Variants in EEPD1 observed in about 807,000 individuals in gnomAD.
EEPD1 encodes the protein endonuclease/exonuclease/phosphatase family domain-containing protein 1.
A neutral mutation model predicts 46.3 loss-of-function variants in EEPD1; 17 were observed. The observed-to-expected ratio is 0.37, with a 90% CI of 0.25 to 0.55. The LOEUF (loss-of-function observed/expected upper bound fraction) is 0.55. Among genes scored for constraint, EEPD1 ranks in the 20% least tolerant of loss-of-function variants. EEPD1 has a pLI of 0.83. For synonymous variants in EEPD1, 313 were observed against 315.6 expected, an observed-to-expected ratio of 0.99 and a Z score of 0.09; for missense variants, 673 against 745.6, an observed-to-expected ratio of 0.90 and a Z score of 1.13.
rs920140346 is a variant in EEPD1 at position 36,210,641 on chromosome 7, C to T, written c.879-28344C>T. Among the ~76,000 whole-genome samples, 14 of 152,202 alleles carry T rather than the reference C, an allele frequency of 9.2e-5. 1 individual carries two copies. The highest frequency in any genetic ancestry group is 6.5e-4 in the Admixed American group (10 of 15,282). On this transcript the variant is annotated intron_variant, in intron 2 of 7. Transcript: ENST00000242108. ...GGCCTTTGACACCTCCTCCCTCACT[C>T]TCTTGCTCTCCCAGCTCCAGCTGTC...
At chr7:36,155,319 C>A in intron 2 of EEPD1, 117 bp downstream of exon 2, 1 of 1,251,758 alleles carries the variant, frequency 8.0e-7, no homozygotes, top group Non-Finnish European at 1.0e-6. Context: ...AGTTTTTAAT[C>A]AATGTTCTTG....
intron 2 of EEPD1, among the ~76,000 whole-genome samples, chr7:36,160,650 C>T (rs1784887265): frequency 7.8e-6 from 1 of 128,166 alleles, no homozygotes; most frequent in South Asian, 2.6e-4. Flanking sequence ...GACCTCTTAC[C>T]AGATAGTCTG....
At chr7:36,275,593 C>T (rs1219851142) in intron 3 of EEPD1, among the ~76,000 whole-genome samples, 3 of 152,010 alleles carry the variant, frequency 2.0e-5, no homozygotes, top group African/African-American at 2.4e-5. Context: ...ATTACAGGCA[C>T]GCGCCACCAC....
chr7:36,182,387 G>A (rs1278328179), intron 2 of EEPD1, among the ~76,000 whole-genome samples: 1 of 152,242 alleles, frequency 6.6e-6, no homozygotes, highest in African/African-American at 2.4e-5. Flanking sequence ...CATGGTGGGG[G>A]CACGGGGAGG....
chr7:36,166,041 TA>T (rs1422340753), intron 2 of EEPD1, among the ~76,000 whole-genome samples: 1 of 152,238 alleles, frequency 6.6e-6, no homozygotes, highest in African/African-American at 2.4e-5. Context: ...AGATGGCTTA[TA>T]AATACCTTTC....
At chr7:36,199,285 G>A (rs1314647718) in intron 2 of EEPD1, among the ~76,000 whole-genome samples, 1 of 152,148 alleles carries the variant, frequency 6.6e-6, no homozygotes, top group African/African-American at 2.4e-5. Flanking sequence ...CAGTTTTCCA[G>A]GGTAGGGACT....
chr7:36,178,813 A>G (rs937190797), intron 2 of EEPD1, among the ~76,000 whole-genome samples: 1 of 152,208 alleles, frequency 6.6e-6, no homozygotes, highest in African/African-American at 2.4e-5. Flanking sequence ...TGTGTCTCTA[A>G]GGTGATGAGT....
intron 2 of EEPD1, among the ~76,000 whole-genome samples, chr7:36,222,391 A>G (rs1400597496): frequency 6.6e-6 from 1 of 152,182 alleles, no homozygotes; most frequent in Non-Finnish European, 1.5e-5. Context: ...GAGGAGGACA[A>G]GGAAGAGGAG....
At chr7:36,159,314 G>A (rs1273346302) in intron 2 of EEPD1, among the ~76,000 whole-genome samples, 1 of 152,170 alleles carries the variant, frequency 6.6e-6, no homozygotes, top group Non-Finnish European at 1.5e-5. Flanking sequence ...CAAAAGGAGT[G>A]ATTGATACAT....
chr7:36,297,713 G>A (rs1430493878), intron 7 of EEPD1, among the ~76,000 whole-genome samples: 1 of 152,182 alleles, frequency 6.6e-6, no homozygotes, highest in Non-Finnish European at 1.5e-5. Flanking sequence ...GAGGTGAACA[G>A]GTGTCTCATA....
intron 2 of EEPD1, among the ~76,000 whole-genome samples, chr7:36,167,788 T>C (rs1005003836): frequency 6.6e-6 from 1 of 152,116 alleles, no homozygotes; most frequent in Admixed American, 6.5e-5. Context: ...CCATCTCAGC[T>C]CAGTGCAACC....
chr7:36,176,466 G>A (rs1031170305), intron 2 of EEPD1, among the ~76,000 whole-genome samples: 8 of 152,190 alleles, frequency 5.3e-5, no homozygotes, highest in African/African-American at 7.2e-5. Flanking sequence ...CCCATGTAAC[G>A]GATGTCGGAA....
At chr7:36,181,171 A>G (rs1401465920) in intron 2 of EEPD1, among the ~76,000 whole-genome samples, 1 of 152,154 alleles carries the variant, frequency 6.6e-6, no homozygotes, top group Non-Finnish European at 1.5e-5. Context: ...GGCGGTTCAC[A>G]GTCTCCTATC....
intron 2 of EEPD1, among the ~76,000 whole-genome samples, chr7:36,192,466 G>A (rs185015380): frequency 6.6e-6 from 1 of 152,142 alleles, no homozygotes; most frequent in African/African-American, 2.4e-5. Context: ...TTCCAGGACA[G>A]TGACACTGTC....
rs1345369897 is a variant in EEPD1, at chr7:36,193,593, G to A, written c.878+38391G>A. 1.3e-5 allele frequency among the ~76,000 whole-genome samples: 2 copies of A among 152,162 alleles called. No individual in the cohort carries two copies. Among genetic ancestry groups the A allele is most frequent in the African/African-American group, 4.8e-5 (2 of 41,438 alleles). ...AGAGGTGCTGGGTCCCCTGTCCTAG[G>A]AGAGTCCTGTGTCTAGAAAAGCTCC... On this transcript the variant is annotated intron_variant, in intron 2 of 7. Coordinates refer to ENST00000242108, the MANE Select transcript of EEPD1 (RefSeq NM_030636.3). This position sits in a 1 kb window ranked among gnomAD's most constrained non-coding sequence, Gnocchi z 4.9.
At chr7:36,253,617 C>G (rs1313105747) in intron 3 of EEPD1, among the ~76,000 whole-genome samples, 1 of 151,878 alleles carries the variant, frequency 6.6e-6, no homozygotes, top group African/African-American at 2.4e-5. Context: ...ATCTTGGGGT[C>G]CTGTTATTAG....
In EEPD1 at chr7:36,205,967, C is replaced by T. The variant is rs1373866223; in HGVS notation, c.879-33018C>T. Among the ~76,000 whole-genome samples the T allele has an allele frequency of 3.3e-5, 5 of 152,212 alleles. No homozygotes were observed. The East Asian group carries it at 7.7e-4, about 24-fold the overall frequency. ...CAATGAGCTCAGGCTGCAGGACAGG[C>T]GGAATTGAGGGCGCTGTGTCTTCCA... On this transcript the variant is annotated intron_variant, in intron 2 of 7. Coordinates refer to ENST00000242108, the MANE Select transcript of EEPD1 (RefSeq NM_030636.3).
Position 36,281,170 on chromosome 7 carries a change from C to T in EEPD1, c.986C>T (p.Pro329Leu), listed in dbSNP as rs754669971. ...TLPNIRKWKG[P>L]RGCWKAVVAE... is the part of the protein sequence containing the mutation. ...CCCAACATCCGCAAGTGGAAGGGGC[C>T]CCGGGGATGCTGGAAGGCTGTTGTT... Residue 329 changes from proline (P) to leucine (L), a missense_variant, in exon 4 of 8, where the codon CCC becomes CTC. Pro to Leu is a moderately conservative substitution (Grantham distance 98). Coordinates refer to ENST00000242108, the MANE Select transcript of EEPD1 (RefSeq NM_030636.3). The T allele has an allele frequency of 3.7e-6, 6 of 1,613,990 alleles. No homozygotes were observed. The African/African-American group carries it at 6.7e-5, about 18-fold the overall frequency.
At chr7:36,197,957 A>C (rs1275654722) in intron 2 of EEPD1, among the ~76,000 whole-genome samples, 1 of 152,198 alleles carries the variant, frequency 6.6e-6, no homozygotes. Flanking sequence ...GCATTCTTCC[A>C]TGGAGCTGAG....
Sources: allele counts gnomAD v4.1 joint callset (sites outside exome capture counted in the v4.1 genomes callset), GRCh38; gene constraint gnomAD v4.1.1; non-coding constraint Gnocchi (gnomAD v3.1); transcripts MANE v1.5; gene names NCBI Gene and HGNC (gene_info 2026-07-23, HGNC 2026-07-21).